Variants in VWC2L observed in about 807,000 individuals in gnomAD.
VWC2L encodes the protein von Willebrand factor C domain containing 2 like.
Under a neutral mutation model 21.6 loss-of-function variants are expected in VWC2L, and 10 were observed. The observed-to-expected ratio is 0.46, with a 90% CI of 0.29 to 0.78. VWC2L has a LOEUF of 0.78. Among genes scored for constraint, VWC2L ranks in the 30% least tolerant of loss-of-function variants. The pLI is 0.10. For missense variants in VWC2L, 209 were observed against 277.1 expected (o/e 0.75, Z 1.74); for synonymous variants, 96 against 94.3 (o/e 1.02, Z -0.10).
intron 3 of VWC2L, among the ~76,000 whole-genome samples, chr2:214,506,577 C>T (rs1688971101): frequency 6.6e-6 from 1 of 152,064 alleles, no homozygotes; most frequent in South Asian, 2.1e-4. Flanking sequence ...TGTTTTGACT[C>T]AATAATTTTA....
At chr2:214,520,089 A>ACT (rs1553598732) in intron 3 of VWC2L, among the ~76,000 whole-genome samples, 1 of 150,992 alleles carries the variant, frequency 6.6e-6, no homozygotes, top group African/African-American at 2.5e-5. Flanking sequence ...ACACACACAC[A>ACT]CTTATGTAGA....
At chr2:214,567,020 C>A (rs1293632774) in intron 3 of VWC2L, among the ~76,000 whole-genome samples, 2 of 152,100 alleles carry the variant, frequency 1.3e-5, no homozygotes, top group African/African-American at 4.8e-5. Flanking sequence ...AGATGCTCTG[C>A]CAAATAAATA....
At chr2:214,573,474 G>C (rs1690182812) in intron 3 of VWC2L, among the ~76,000 whole-genome samples, 1 of 152,292 alleles carries the variant, frequency 6.6e-6, no homozygotes, top group East Asian at 1.9e-4. Context: ...GGTGGCAAGA[G>C]GAACCACTGC....
rs77253000 is a variant in VWC2L at position 214,445,605 on chromosome 2, G to A, written c.520+8847G>A. Among the ~76,000 whole-genome samples, 13 of 151,586 alleles carry A rather than the reference G, an allele frequency of 8.6e-5. No individual in the cohort carries two copies. The East Asian group carries it at 2.5e-3, about 29-fold the overall frequency. ...AAATACATGTATAGGAAAAAGACTA[G>A]AAGGAAATACTTCAGAATATTAGTA... On this transcript the variant is annotated intron_variant, in intron 3 of 3. Coordinates refer to ENST00000312504, the MANE Select transcript of VWC2L (RefSeq NM_001080500.4).
intron 3 of VWC2L, among the ~76,000 whole-genome samples, chr2:214,471,536 G>T (rs980316698): frequency 5.3e-5 from 8 of 152,294 alleles, no homozygotes; most frequent in African/African-American, 1.9e-4. Flanking sequence ...TTGCAGATGA[G>T]AAATGGAGAC....
At chr2:214,432,668 G>T (rs968261179) in intron 2 of VWC2L, among the ~76,000 whole-genome samples, 1 of 152,136 alleles carries the variant, frequency 6.6e-6, no homozygotes, top group Non-Finnish European at 1.5e-5. Context: ...ACTGTGTATA[G>T]CAGGAAACCC....
intron 3 of VWC2L, among the ~76,000 whole-genome samples, chr2:214,481,336 A>G (rs867379284): frequency 1.3e-5 from 2 of 152,210 alleles, no homozygotes; most frequent in Non-Finnish European, 2.9e-5. Context: ...TTATGTAAGG[A>G]AGTCCAGGCT....
chr2:214,507,201 G>A (rs1178340124), intron 3 of VWC2L, among the ~76,000 whole-genome samples: 1 of 152,076 alleles, frequency 6.6e-6, no homozygotes, highest in Non-Finnish European at 1.5e-5. Context: ...TAATGATTCA[G>A]TTTTCAAACC....
intron 3 of VWC2L, among the ~76,000 whole-genome samples, chr2:214,456,687 C>A (rs1442139091): frequency 5.3e-5 from 8 of 152,036 alleles, no homozygotes; most frequent in Non-Finnish European, 2.9e-5. Context: ...CCTATGATTT[C>A]TTCTACTAGT....
chr2:214,521,276 T>C (rs555936181), intron 3 of VWC2L, among the ~76,000 whole-genome samples: 2 of 134,784 alleles, frequency 1.5e-5, no homozygotes, highest in African/African-American at 5.5e-5. Flanking sequence ...AATAAATAAA[T>C]AAAACTACCA....
intron 3 of VWC2L, among the ~76,000 whole-genome samples, chr2:214,499,513 GA>G (rs1214912271): frequency 1.6e-5 from 2 of 128,028 alleles, no homozygotes; most frequent in Admixed American, 8.5e-5. Flanking sequence ...GGGGTGGGGG[GA>G]GGGGTGGAGG....
At chr2:214,460,381 A>G (rs1329625428) in intron 3 of VWC2L, among the ~76,000 whole-genome samples, 1 of 152,174 alleles carries the variant, frequency 6.6e-6, no homozygotes, top group East Asian at 1.9e-4. Flanking sequence ...TTCACGTTCT[A>G]GAACACCCAA....
At chr2:214,507,343 A>G (rs1264542607) in intron 3 of VWC2L, among the ~76,000 whole-genome samples, 1 of 152,238 alleles carries the variant, frequency 6.6e-6, no homozygotes, top group Non-Finnish European at 1.5e-5. Context: ...TTTATTAAAC[A>G]ATTCAGAAAT....
chr2:214,466,705 T>G (rs1703222636), intron 3 of VWC2L, among the ~76,000 whole-genome samples: 1 of 152,220 alleles, frequency 6.6e-6, no homozygotes, highest in South Asian at 2.1e-4. Flanking sequence ...TACTGCAATA[T>G]CTAACCTGTT....
At chr2:214,567,298 G>A (rs12470387) in intron 3 of VWC2L, among the ~76,000 whole-genome samples, 104,220 of 151,804 alleles carry the variant, frequency 0.69, 37,530 homozygotes, top group East Asian at 0.83. Context: ...AAAAGGATCT[G>A]GGTCGACAAA....
intron 3 of VWC2L, among the ~76,000 whole-genome samples, chr2:214,545,678 G>T (rs1044573470): frequency 2.6e-5 from 4 of 152,106 alleles, no homozygotes; most frequent in African/African-American, 9.7e-5. Flanking sequence ...CAGAGTATTT[G>T]TCAATTTCAA....
chr2:214,529,747 G>C (rs1285187128), intron 3 of VWC2L, among the ~76,000 whole-genome samples: 2 of 152,130 alleles, frequency 1.3e-5, no homozygotes, highest in African/African-American at 4.8e-5. Context: ...CTACACAGGG[G>C]TATCACTATA....
Position 214,490,218 on chromosome 2 carries a change from T to G in VWC2L, c.520+53460T>G, listed in dbSNP as rs111290044. ...GACTTAGAAGGGCTCACTCTCCTTATATCATCTCTCCTCTTTGGTTTCTTA... is the reference window on the plus strand; with the variant it reads ...GACTTAGAAGGGCTCACTCTCCTTAGATCATCTCTCCTCTTTGGTTTCTTA... On this transcript the variant is annotated intron_variant, in intron 3 of 3. Coordinates refer to ENST00000312504, the MANE Select transcript of VWC2L (RefSeq NM_001080500.4). Among the ~76,000 whole-genome samples, 1,255 of 152,292 alleles carry G rather than the reference T, an allele frequency of 8.2e-3. 11 individuals carry two copies. Among genetic ancestry groups the G allele is most frequent in the Middle Eastern group, 0.024 (7 of 294 alleles).
At chr2:214,525,720 AT>A (rs1689322637) in intron 3 of VWC2L, among the ~76,000 whole-genome samples, 1 of 152,204 alleles carries the variant, frequency 6.6e-6, no homozygotes, top group South Asian at 2.1e-4. Context: ...AAGTCAGTCA[AT>A]AACATTAAGG....
Sources: allele counts gnomAD v4.1 joint callset (sites outside exome capture counted in the v4.1 genomes callset), GRCh38; gene constraint gnomAD v4.1.1; transcripts MANE v1.5; gene names NCBI Gene and HGNC (gene_info 2026-07-23, HGNC 2026-07-21).